The following TJP2 variants were observed in gnomAD, a reference collection of about 807,000 sequenced individuals.
TJP2 encodes the protein Friedreich ataxia region gene X104 (tight junction protein ZO-2).
In TJP2, 91 loss-of-function variants were observed where a neutral mutation model predicts 133.1. The ratio of observed to expected loss-of-function variants is 0.68; its 90% CI spans 0.58 to 0.81. TJP2 has a LOEUF of 0.81. TJP2 is among the 40% of genes least tolerant of loss of function. The pLI, the probability that TJP2 is intolerant of heterozygous loss-of-function variation, is 0.00. For missense variants in TJP2, 1,541 were observed against 1,565.6 expected (o/e 0.98, Z 0.26); for synonymous variants, 592 against 583.4 (o/e 1.01, Z -0.21).
At chr9:69,129,408 G>A (rs971504530) in intron 1 of TJP2, among the ~76,000 whole-genome samples, 1 of 151,978 alleles carries the variant, frequency 6.6e-6, no homozygotes, top group African/African-American at 2.4e-5. Flanking sequence ...CTACTCAGGA[G>A]GCTGAGGTGG....
At chr9:69,212,471 A>AT in intron 1 of TJP2, 77 bp from the exon 2 acceptor site, 4 of 1,130,876 alleles carry the variant, frequency 3.5e-6, no homozygotes, top group Non-Finnish European at 5.4e-6. Flanking sequence ...ATGTCGAGGC[A>AT]TTTTGAATGA....
Position 69,124,176 on chromosome 9 carries a change from A to G in TJP2, c.-131+2451A>G, listed in dbSNP as rs191828374. Among the ~76,000 whole-genome samples the G allele has an allele frequency of 3.4e-3, 244 of 71,124 alleles. 88 individuals are homozygous for G. Among genetic ancestry groups the G allele is most frequent in the African/African-American group, 0.01 (237 of 22,622 alleles). 46.7% of individuals were successfully genotyped at this position (71,124 alleles called of 152,430 possible). ...ATTACAGGCCTGAGCCACGGCGCCC[A>G]GCCTTATTTTATTTTTTGAGACAGA... On this transcript the variant is annotated intron_variant, in intron 1 of 5. Coordinates refer to the TJP2 transcript ENST00000423935.
Position 69,244,060 on chromosome 9 carries a change from G to A in TJP2, c.2567-2630G>A, listed in dbSNP as rs113958255. 1.5e-3 allele frequency among the ~76,000 whole-genome samples: 233 copies of A among 151,450 alleles called. 3 individuals are homozygous for A. The highest frequency in any genetic ancestry group is 5.4e-3 in the African/African-American group (221 of 41,282). On this transcript the variant is annotated intron_variant, in intron 17 of 22. Transcript: ENST00000377245. ...TTAGCTGGGTGTGGTGGTGGGTGCC[G>A]GTAGTCCCAGCTACTTGGGAGGCTG...
chr9:69,132,612 T>G (rs562665056), intron 1 of TJP2, among the ~76,000 whole-genome samples: 1 of 152,352 alleles, frequency 6.6e-6, no homozygotes, highest in South Asian at 2.1e-4. Flanking sequence ...CATTCATCCA[T>G]TTATTCATTC....
chr9:69,153,760 G>T (rs980472923), intron 2 of TJP2, among the ~76,000 whole-genome samples: 15 of 152,178 alleles, frequency 9.9e-5, no homozygotes, highest in African/African-American at 3.6e-4. Flanking sequence ...TACCTCCCTT[G>T]TTCTGGTTCC....
intron 1 of TJP2, among the ~76,000 whole-genome samples, chr9:69,195,117 T>C (rs1007317767): frequency 5.3e-5 from 7 of 131,596 alleles, no homozygotes; most frequent in Non-Finnish European, 1.0e-4. Flanking sequence ...TAATTGTTTT[T>C]TCAACCTGCC....
chr9:69,179,712 GA>G (rs900185849), intron 1 of TJP2, among the ~76,000 whole-genome samples: 2 of 151,950 alleles, frequency 1.3e-5, no homozygotes, highest in African/African-American at 4.8e-5. Context: ...TGTTAGCCAG[GA>G]TGGTCTTGAT....
At chr9:69,226,451 G>A (rs1246248128) in intron 7 of TJP2, among the ~76,000 whole-genome samples, 2 of 152,142 alleles carry the variant, frequency 1.3e-5, no homozygotes, top group Non-Finnish European at 2.9e-5. Context: ...AAAAATGTGT[G>A]TTTGAGTGGT....
chr9:69,222,349 G>A (rs1275584291), intron 5 of TJP2, among the ~76,000 whole-genome samples: 1 of 148,498 alleles, frequency 6.7e-6, no homozygotes, highest in African/African-American at 2.5e-5. Context: ...GCTAATTTTT[G>A]TATTTTCAGT....
chr9:69,133,958 C>CTTCCTCTT (rs869197491), intron 1 of TJP2, among the ~76,000 whole-genome samples: 203 of 139,374 alleles, frequency 1.5e-3, no homozygotes, highest in African/African-American at 5.1e-3. Flanking sequence ...AACTCAAGTA[C>CTTCCTCTT]TTTCTCTTTT....
intron 1 of TJP2, among the ~76,000 whole-genome samples, chr9:69,208,471 G>T (rs1352067076): frequency 6.6e-6 from 1 of 152,156 alleles, no homozygotes; most frequent in Non-Finnish European, 1.5e-5. Context: ...GACACTTAAA[G>T]ATGGTAGCAT....
At chr9:69,149,046 A>G (rs1161486042) in intron 1 of TJP2, among the ~76,000 whole-genome samples, 1 of 152,190 alleles carries the variant, frequency 6.6e-6, no homozygotes, top group Non-Finnish European at 1.5e-5. Context: ...ATTATCTCTC[A>G]ATACTATTGA....
chr9:69,139,588 A>G (rs1029065060), intron 1 of TJP2, among the ~76,000 whole-genome samples: 1 of 152,170 alleles, frequency 6.6e-6, no homozygotes, highest in Non-Finnish European at 1.5e-5. Context: ...CGCAGGCATG[A>G]GATAATGAAT....
rs145756512 is a variant in TJP2 at position 69,228,855 on chromosome 9, C to T, written c.1454-329C>T. Reference sequence around the variant, plus strand: ...CCCCCAACCCTTCCCCACCACCCTACAATTATCATCATAATTTTATATTCA... The same window carrying T: ...CCCCCAACCCTTCCCCACCACCCTATAATTATCATCATAATTTTATATTCA... On this transcript the variant is annotated intron_variant, in intron 9 of 22. Coordinates refer to ENST00000377245, the MANE Select transcript of TJP2 (RefSeq NM_004817.4). 2.0e-5 allele frequency among the ~76,000 whole-genome samples: 3 copies of T among 152,244 alleles called. No individual in the cohort carries two copies. In the East Asian group the frequency reaches 5.8e-4, roughly 29 times the overall value.
At chr9:69,191,111 A>C (rs1826175121) in intron 1 of TJP2, among the ~76,000 whole-genome samples, 1 of 141,622 alleles carries the variant, frequency 7.1e-6, no homozygotes, top group South Asian at 2.3e-4. Flanking sequence ...CAAAAAGGAA[A>C]AAGGGTTGGA....
intron 17 of TJP2, among the ~76,000 whole-genome samples, chr9:69,241,517 A>G (rs1830574397): frequency 6.6e-6 from 1 of 152,216 alleles, no homozygotes; most frequent in African/African-American, 2.4e-5. Flanking sequence ...TTCTTGTTAA[A>G]GAGAGGTGCA....
At chr9:69,185,278 T>TCTCGAACTCCTGAC (rs1294947316) in intron 1 of TJP2, among the ~76,000 whole-genome samples, 1 of 151,990 alleles carries the variant, frequency 6.6e-6, no homozygotes, top group Non-Finnish European at 1.5e-5. Context: ...GCCAGGCTGG[T>TCTCGAACTCCTGAC]CTCGAACTCC....
intron 1 of TJP2, among the ~76,000 whole-genome samples, chr9:69,185,156 G>T (rs150898787): frequency 0.1 from 15,575 of 151,136 alleles, 888 homozygotes; most frequent in South Asian, 0.17. Context: ...CTGCCTCCCG[G>T]ATTCAAGCAA....
chr9:69,167,057 A>C (rs1587949372), intron 2 of TJP2, among the ~76,000 whole-genome samples: 1 of 150,326 alleles, frequency 6.7e-6, no homozygotes, highest in South Asian at 2.1e-4. Flanking sequence ...ACATGGTGAA[A>C]CCCCGTCTCT....
Sources: gnomAD v4.1 joint callset for allele counts (sites outside exome capture counted in the v4.1 genomes callset) on GRCh38, gnomAD v4.1.1 for gene constraint, MANE v1.5 for transcripts, NCBI Gene and HGNC (gene_info 2026-07-23, HGNC 2026-07-21) for gene names.